The following SPATA16 variants were observed in gnomAD, a reference collection of about 807,000 sequenced individuals.
SPATA16 encodes spermatogenesis associated 16.
Under a neutral mutation model 63.3 loss-of-function variants are expected in SPATA16, and 36 were observed. The observed-to-expected ratio is 0.57, with a 90% CI of 0.44 to 0.75. The LOEUF is 0.75. Among genes scored for constraint, SPATA16 ranks in the 30% least tolerant of loss-of-function variants. SPATA16 has a pLI of 0.00. For synonymous variants in SPATA16, 203 were observed against 216.7 expected, an observed-to-expected ratio of 0.94 and a Z score of 0.56; for missense variants, 646 against 679.3, an observed-to-expected ratio of 0.95 and a Z score of 0.54.
intron 10 of SPATA16, among the ~76,000 whole-genome samples, chr3:172,893,693 G>T (rs1731940589): frequency 6.6e-6 from 1 of 152,118 alleles, no homozygotes; most frequent in Non-Finnish European, 1.5e-5. Context: ...TCCCTACTTG[G>T]TTGGTGCCCC....
chr3:172,916,253 A>G lies in SPATA16; in HGVS notation c.1503+64T>C, dbSNP rs1732483166. 2.7e-6 allele frequency: 4 copies of G among 1,492,572 alleles called. No individual in the cohort carries two copies. The South Asian group carries it at 3.4e-5, about 13-fold the overall frequency. The allele number at this position is 1,492,572 out of a possible 1,614,324, so 92.5% of individuals were successfully genotyped here. ...AGGATTTTTTTTTTTTTTTTTCCCC[A>G]GACCATATCACTTTTCTGTTGGCTC... On this transcript the variant is annotated intron_variant, in intron 9 of 10. Transcript: ENST00000351008.
chr3:173,131,612 G>A (rs1330517090), intron 1 of SPATA16, among the ~76,000 whole-genome samples: 1 of 152,168 alleles, frequency 6.6e-6, no homozygotes, highest in Non-Finnish European at 1.5e-5. Context: ...TCATGGGGCA[G>A]GATGGCAAAG....
At chr3:172,938,387 C>G (rs1469878167) in intron 6 of SPATA16, among the ~76,000 whole-genome samples, 1 of 152,110 alleles carries the variant, frequency 6.6e-6, no homozygotes, top group East Asian at 1.9e-4. Flanking sequence ...CTCACCTCTG[C>G]AGGTGGAAAG....
At chr3:172,955,746 A>C (rs1449368399) in intron 6 of SPATA16, among the ~76,000 whole-genome samples, 3 of 152,204 alleles carry the variant, frequency 2.0e-5, no homozygotes, top group Non-Finnish European at 4.4e-5. Flanking sequence ...GTTCAAATCC[A>C]AGGCCTGTCT....
chr3:172,979,718 G>A (rs1734254287), intron 4 of SPATA16, among the ~76,000 whole-genome samples: 1 of 152,020 alleles, frequency 6.6e-6, no homozygotes, highest in South Asian at 2.1e-4. Context: ...TTTCACCTGG[G>A]GGCTCAAGTC....
chr3:173,097,209 C>G (rs903312531), intron 2 of SPATA16, among the ~76,000 whole-genome samples: 1 of 152,138 alleles, frequency 6.6e-6, no homozygotes, highest in African/African-American at 2.4e-5. Context: ...TAGTAGCCTT[C>G]TTGCTTATCA....
intron 2 of SPATA16, among the ~76,000 whole-genome samples, chr3:173,096,306 G>T (rs937237557): frequency 2.0e-5 from 3 of 151,988 alleles, no homozygotes; most frequent in Non-Finnish European, 2.9e-5. Flanking sequence ...ACTCTACAAA[G>T]AATTACCAGA....
chr3:173,038,162 A>T (rs1735756948), intron 3 of SPATA16, among the ~76,000 whole-genome samples: 1 of 152,088 alleles, frequency 6.6e-6, no homozygotes, highest in South Asian at 2.1e-4. Context: ...CAAGAGTTAT[A>T]AAATGAGTAG....
intron 6 of SPATA16, among the ~76,000 whole-genome samples, chr3:172,926,325 A>G (rs1732734424): frequency 2.0e-5 from 3 of 152,250 alleles, no homozygotes; most frequent in South Asian, 2.1e-4. Flanking sequence ...AATTCGTGTC[A>G]TGAAAATGGT....
chr3:173,102,086 C>G (rs141848972), intron 2 of SPATA16, among the ~76,000 whole-genome samples: 1 of 152,284 alleles, frequency 6.6e-6, no homozygotes, highest in East Asian at 1.9e-4. Context: ...GATTCATGAT[C>G]CCTTTCCTTA....
chr3:172,897,367 C>A (rs1329853838), intron 10 of SPATA16, among the ~76,000 whole-genome samples: 1 of 152,020 alleles, frequency 6.6e-6, no homozygotes, highest in Non-Finnish European at 1.5e-5. Flanking sequence ...TATAAAAAGT[C>A]TTGTATTTCA....
chr3:173,119,258 G>A (rs950041117), intron 1 of SPATA16, among the ~76,000 whole-genome samples: 1 of 152,090 alleles, frequency 6.6e-6, no homozygotes, highest in Non-Finnish European at 1.5e-5. Flanking sequence ...AACCACCATG[G>A]CACATGTATA....
At chr3:173,109,028 CT>C (rs1333001191) in intron 2 of SPATA16, among the ~76,000 whole-genome samples, 1 of 152,212 alleles carries the variant, frequency 6.6e-6, no homozygotes, top group African/African-American at 2.4e-5. Flanking sequence ...TGTTCATAAT[CT>C]TTTTTTATGG....
chr3:172,935,889 A>C (rs1180727532), intron 6 of SPATA16, among the ~76,000 whole-genome samples: 1 of 152,156 alleles, frequency 6.6e-6, no homozygotes, highest in Admixed American at 6.5e-5. Context: ...TCTGATTGGT[A>C]ACATTCTATG....
At chr3:172,979,036 G>C (rs1247096385) in intron 4 of SPATA16, among the ~76,000 whole-genome samples, 5 of 152,142 alleles carry the variant, frequency 3.3e-5, no homozygotes, top group African/African-American at 7.2e-5. Flanking sequence ...AGGAGATCGA[G>C]ACCATCCTGG....
At chr3:172,997,643 G>T (rs1734721741) in intron 4 of SPATA16, among the ~76,000 whole-genome samples, 1 of 151,840 alleles carries the variant, frequency 6.6e-6, no homozygotes. Context: ...TTCTTTCATG[G>T]ATTGTGACTT....
chr3:172,959,509 T>C (rs1210678665), intron 5 of SPATA16, among the ~76,000 whole-genome samples: 2 of 151,976 alleles, frequency 1.3e-5, no homozygotes, highest in African/African-American at 4.8e-5. Flanking sequence ...CTGAAGACGA[T>C]GGGTAAGGAA....
intron 1 of SPATA16, among the ~76,000 whole-genome samples, chr3:173,126,505 A>G (rs1029692318): frequency 1.2e-4 from 19 of 152,220 alleles, no homozygotes; most frequent in African/African-American, 4.1e-4. Context: ...CTTCCTGTAA[A>G]AGTGATCCAA....
intron 2 of SPATA16, among the ~76,000 whole-genome samples, chr3:173,085,688 C>T (rs1375677995): frequency 6.6e-6 from 1 of 151,974 alleles, no homozygotes; most frequent in Non-Finnish European, 1.5e-5. Context: ...AGGTATGTTC[C>T]TTGAACACCT....
Sources: gnomAD v4.1 joint callset for allele counts (sites outside exome capture counted in the v4.1 genomes callset) on GRCh38, gnomAD v4.1.1 for gene constraint, MANE v1.5 for transcripts, NCBI Gene and HGNC (gene_info 2026-07-23, HGNC 2026-07-21) for gene names.